The following DMD variants were observed in gnomAD, a reference collection of about 807,000 sequenced individuals.
The protein encoded by DMD is dystrophin.
A neutral mutation model predicts 330.1 loss-of-function variants in DMD; 63 were observed. The ratio of observed to expected loss-of-function variants is 0.19; its 90% CI spans 0.16 to 0.24. The LOEUF is 0.24. Ranked by LOEUF, DMD falls within the 10% of genes least tolerant of loss-of-function variation. The probability of loss-of-function intolerance (pLI) is 1.00; values close to 1 mark genes in which losing one functional copy is unlikely to be tolerated. For missense variants in DMD, 3,344 were observed against 2,684.1 expected (o/e 1.25, Z -5.43); for synonymous variants, 1,223 against 959.8 (o/e 1.27, Z -5.07).
chrX:33,284,758 A>G (rs1460572354), intron 1 of DMD, among the ~76,000 whole-genome samples: 3 of 56,224 alleles, frequency 5.3e-5, no homozygotes, highest in African/African-American at 1.6e-4. Flanking sequence ...CTAATGCTTA[A>G]TTTAGAGCGT....
intron 2 of DMD, among the ~76,000 whole-genome samples, chrX:33,010,232 A>G (rs779438720): frequency 2.1e-4 from 22 of 107,050 alleles, no homozygotes; most frequent in East Asian, 1.2e-3. Context: ...ATGTGTGTAT[A>G]TATGTACATA....
At chrX:32,783,307 C>G (rs747716825) in intron 7 of DMD, among the ~76,000 whole-genome samples, 2 of 96,782 alleles carry the variant, frequency 2.1e-5, no homozygotes, top group East Asian at 6.2e-4. Context: ...TATATGTACA[C>G]ATATATGGTA....
At chrX:32,812,309 G>T (rs6628737) in intron 6 of DMD, among the ~76,000 whole-genome samples, 1 of 111,826 alleles carries the variant, frequency 8.9e-6, no homozygotes, top group Non-Finnish European at 1.9e-5. Context: ...AAGTTACAAA[G>T]GTAGTTTAGC....
rs150584072 is a variant in DMD, at chrX:32,199,444, C to G, written c.6438+17472G>C. On this transcript the variant is annotated intron_variant, in intron 44 of 78. Coordinates refer to ENST00000357033, the MANE Select transcript of DMD (RefSeq NM_004006.3). ...GTGCTGTTGGGTACTGAGCCACTAG[C>G]AGAAGTGAGGATGTGCAGTCTGATG... Among the ~76,000 whole-genome samples the G allele has an allele frequency of 6.9e-3, 765 of 110,465 alleles. 21 individuals are homozygous for G. The East Asian group carries it at 0.12, about 18-fold the overall frequency.
intron 49 of DMD, among the ~76,000 whole-genome samples, chrX:31,830,002 A>G (rs2092985485): frequency 8.9e-6 from 1 of 112,580 alleles, no homozygotes; most frequent in Admixed American, 9.4e-5. Context: ...AAGTTGGCTC[A>G]TATTCAAGAC....
chrX:31,353,718 G>A (rs1197874602), intron 60 of DMD, among the ~76,000 whole-genome samples: 1 of 111,628 alleles, frequency 9.0e-6, no homozygotes, highest in Non-Finnish European at 1.9e-5. Context: ...CATTTAACTG[G>A]AGATGTCATG....
rs73621857 is a variant in DMD at position 33,011,685 on chromosome X, A to G, written c.93+8454T>C. The stretch of plus-strand genomic sequence containing the variant: ...ATGATTAGCACATAGCTGGCATTCA[A>G]TAAGTATTTGTTAAATGTTGAAAGG... On this transcript the variant is annotated intron_variant, in intron 2 of 78. Transcript: ENST00000357033. Among the ~76,000 whole-genome samples, 936 of 112,309 alleles carry G rather than the reference A, an allele frequency of 8.3e-3. 11 individuals carry two copies. The highest frequency in any genetic ancestry group is 0.028 in the African/African-American group (877 of 31,037).
intron 4 of DMD, among the ~76,000 whole-genome samples, chrX:32,827,631 A>G (rs1345010893): frequency 7.0e-5 from 7 of 100,335 alleles, no homozygotes; most frequent in Non-Finnish European, 1.2e-4. Flanking sequence ...TCCCCACTTT[A>G]TATCCATGTG....
intron 61 of DMD, among the ~76,000 whole-genome samples, chrX:31,344,085 A>C: frequency 9.3e-6 from 1 of 107,205 alleles, no homozygotes. Context: ...TCTTGGGCTC[A>C]AGTGATCCTC....
chrX:32,554,821 GGAGGGGGAGGGAGAGA>G (rs2049996026), intron 16 of DMD, among the ~76,000 whole-genome samples: 3 of 7,862 alleles, frequency 3.8e-4, no homozygotes, highest in East Asian at 0.012. Context: ...AGGGAGGGAG[GGAGGGGGAGGGAGAGA>G]GAGAGAGAGA....
intron 2 of DMD, among the ~76,000 whole-genome samples, chrX:32,932,538 G>C (rs1375874411): frequency 9.0e-6 from 1 of 111,135 alleles, no homozygotes. Flanking sequence ...TTGGAATAAA[G>C]GTAGAAAAAA....
intron 7 of DMD, among the ~76,000 whole-genome samples, chrX:32,738,432 C>G (rs763332745): frequency 3.9e-4 from 43 of 111,632 alleles, no homozygotes; most frequent in Non-Finnish European, 6.6e-4. Flanking sequence ...CTCTCCTCAA[C>G]AGTTTGCTTC....
At chrX:32,131,187 C>CAAAAT (rs919020414) in intron 44 of DMD, among the ~76,000 whole-genome samples, 1 of 111,175 alleles carries the variant, frequency 9.0e-6, no homozygotes, top group African/African-American at 3.3e-5. Flanking sequence ...TCTGTCTCAA[C>CAAAAT]AAAATAAAAT....
rs924213747 is a variant in DMD, at chrX:31,227,691, A to T, written c.9287-4570T>A. 8.5e-4 allele frequency among the ~76,000 whole-genome samples: 94 copies of T among 111,126 alleles called. 2 individuals are homozygous for T. Among genetic ancestry groups the T allele is most frequent in the Non-Finnish European group, 2.6e-4 (14 of 53,003 alleles). On this transcript the variant is annotated intron_variant, in intron 63 of 78. Transcript: ENST00000357033. ...ATTGAATCTGTAAATTACCTTGGGC[A>T]GTATGACCATTTTCACGATATTGAT... is the stretch of plus-strand genomic sequence containing the variant.
At chrX:31,882,108 T>A (rs1376538572) in intron 47 of DMD, among the ~76,000 whole-genome samples, 4 of 112,167 alleles carry the variant, frequency 3.6e-5, no homozygotes, top group Non-Finnish European at 7.5e-5. Context: ...GACATGCCAA[T>A]CCTAAGATTT....
At chrX:32,096,534 T>G (rs1440608462) in intron 44 of DMD, among the ~76,000 whole-genome samples, 1 of 110,713 alleles carries the variant, frequency 9.0e-6, no homozygotes, top group African/African-American at 3.3e-5. Flanking sequence ...AAATAATTTT[T>G]TTAAAGTTCC....
intron 1 of DMD, among the ~76,000 whole-genome samples, chrX:33,179,174 T>C (rs1230151493): frequency 2.7e-5 from 3 of 111,887 alleles, no homozygotes; most frequent in Non-Finnish European, 5.6e-5. Context: ...CATGGAACCA[T>C]GCAGATTTGA....
intron 51 of DMD, among the ~76,000 whole-genome samples, chrX:31,771,780 C>T (rs113328671): frequency 1.4e-3 from 152 of 111,931 alleles, no homozygotes; most frequent in African/African-American, 4.4e-3. Flanking sequence ...GGAGTGCAGG[C>T]GTGAAACATT....
chrX:33,250,279 ACTGTTCCAC>A (rs1204997663), intron 1 of DMD, among the ~76,000 whole-genome samples: 37 of 107,479 alleles, frequency 3.4e-4, no homozygotes, highest in African/African-American at 1.2e-3. Flanking sequence ...TGGGGTTGAA[ACTGTTCCAC>A]CTCAGCTCAT....
Sources: allele counts gnomAD v4.1 joint callset (sites outside exome capture counted in the v4.1 genomes callset), GRCh38; gene constraint gnomAD v4.1.1; transcripts MANE v1.5; gene names NCBI Gene and HGNC (gene_info 2026-07-23, HGNC 2026-07-21).